Variants in KCNB2 observed in about 807,000 individuals in gnomAD.
The protein encoded by KCNB2 is delayed rectifier potassium channel protein.
KCNB2 carries 15 observed loss-of-function variants against 61.5 expected under a neutral mutation model. That is an observed-to-expected ratio of 0.24 (90% CI 0.16 to 0.38). The LOEUF (loss-of-function observed/expected upper bound fraction) is 0.38, where lower values mean the gene tolerates loss of function less well. Ranked by LOEUF, KCNB2 falls within the 10% of genes least tolerant of loss-of-function variation. KCNB2 has a pLI of 1.00. For missense variants in KCNB2, 828 were observed against 1,125.2 expected, an observed-to-expected ratio of 0.74 and a Z score of 3.78; for synonymous variants, 457 against 446.0, an observed-to-expected ratio of 1.02 and a Z score of -0.31.
intron 2 of KCNB2, among the ~76,000 whole-genome samples, chr8:72,802,794 A>C (rs1473551077): frequency 6.6e-6 from 1 of 152,164 alleles, no homozygotes; most frequent in African/African-American, 2.4e-5. Flanking sequence ...TATGGTTTTC[A>C]TGTTTGGTTA....
chr8:72,679,484 T>C (rs777006815), intron 2 of KCNB2, among the ~76,000 whole-genome samples: 11 of 152,138 alleles, frequency 7.2e-5, no homozygotes, highest in Non-Finnish European at 1.5e-4. Flanking sequence ...ACTTCAAATA[T>C]CAGAGGAGAG....
At chr8:72,705,458 A>G (rs1329949650) in intron 2 of KCNB2, among the ~76,000 whole-genome samples, 2 of 152,274 alleles carry the variant, frequency 1.3e-5, no homozygotes, top group African/African-American at 4.8e-5. Context: ...AGATGACATT[A>G]GAAGGCATTT....
intron 2 of KCNB2, among the ~76,000 whole-genome samples, chr8:72,702,762 C>T (rs755359895): frequency 6.6e-6 from 1 of 152,192 alleles, no homozygotes; most frequent in Non-Finnish European, 1.5e-5. Context: ...TTCAGCCTGG[C>T]TGACAGCTCT....
intron 2 of KCNB2, among the ~76,000 whole-genome samples, chr8:72,647,070 G>C (rs1192813913): frequency 6.6e-6 from 1 of 152,110 alleles, no homozygotes; most frequent in African/African-American, 2.4e-5. Context: ...TGATGAACAC[G>C]TGAGCATCCT....
chr8:72,917,436 G>A (rs2981082), intron 2 of KCNB2, among the ~76,000 whole-genome samples: 2 of 152,070 alleles, frequency 1.3e-5, no homozygotes, highest in South Asian at 4.1e-4. Context: ...AATTTATGCT[G>A]TTATTAAATG....
Position 72,938,099 on chromosome 8 carries a change from C to T in KCNB2, c.*8C>T. ...CGTGAAACCAGCATGTGACTAGTTA[C>T]AAAAGCAATAAATTGAAACAAAACA... is the stretch of plus-strand genomic sequence containing the variant. On this transcript the variant is annotated 3_prime_UTR_variant, in exon 3 of 3. Transcript: ENST00000523207. 6.4e-7 allele frequency: 1 copy of T among 1,563,710 alleles called. No individual in the cohort carries two copies. The highest frequency in any genetic ancestry group is 8.7e-7 in the Non-Finnish European group (1 of 1,152,098).
At chr8:72,887,722 G>T (rs539642202) in intron 2 of KCNB2, among the ~76,000 whole-genome samples, 3 of 152,284 alleles carry the variant, frequency 2.0e-5, no homozygotes, top group Admixed American at 2.0e-4. Context: ...TATGCCTCTC[G>T]GATTTTTGTT....
In KCNB2 at chr8:72,769,425, A is replaced by T. The variant is rs538133728; in HGVS notation, c.580-166510A>T. Among the ~76,000 whole-genome samples, 21 of 152,304 alleles carry T rather than the reference A, an allele frequency of 1.4e-4. No homozygotes were observed. The South Asian group carries it at 3.9e-3, about 29-fold the overall frequency. On this transcript the variant is annotated intron_variant, in intron 2 of 2. Coordinates refer to ENST00000523207, the MANE Select transcript of KCNB2 (RefSeq NM_004770.3). ...TCAGTCAGATAAACAAACAAAAAAAATTGCACTATAGCAAATGTTCTAATA... is the reference window on the plus strand; with the variant it reads ...TCAGTCAGATAAACAAACAAAAAAATTTGCACTATAGCAAATGTTCTAATA...
At position 72,746,285 on chromosome 8, in the gene KCNB2, A is replaced by G. The variant is rs144742052; in HGVS notation, c.579+177972A>G. 9.9e-5 allele frequency among the ~76,000 whole-genome samples: 15 copies of G among 152,264 alleles called. No homozygotes were observed. The East Asian group carries it at 1.5e-3, about 16-fold the overall frequency. ...CCAAGTGCATGTTGTATATTTGCCT[A>G]TACCTGGCAAATGTTACATTGAGCA... On this transcript the variant is annotated intron_variant, in intron 2 of 2. Transcript: ENST00000523207.
chr8:72,865,751 C>CT (rs147496191), intron 2 of KCNB2, among the ~76,000 whole-genome samples: 30,351 of 152,126 alleles, frequency 0.2, 3,722 homozygotes, highest in Non-Finnish European at 0.27. Flanking sequence ...CTCACTGCCT[C>CT]TTACTTATCC....
rs765419963 is a variant in KCNB2 at position 72,937,696 on chromosome 8, T to C, written c.2341T>C (p.Ser781Pro). Residue 781 changes from serine (S) to proline (P), a missense_variant, in exon 3 of 3, where the codon TCC becomes CCC. Coordinates refer to ENST00000523207, the MANE Select transcript of KCNB2 (RefSeq NM_004770.3). ...TEVSAPCQGP[S>P]KGLSPRFPKQ... ...GGTTTCAGCGCCTTGTCAGGGACCTTCCAAAGGGCTGTCCCCCAGGTTTCC... is the reference window on the plus strand; with the variant it reads ...GGTTTCAGCGCCTTGTCAGGGACCTCCCAAAGGGCTGTCCCCCAGGTTTCC... 2.5e-6 allele frequency: 4 copies of C among 1,613,896 alleles called. No homozygotes were observed. Among genetic ancestry groups the C allele is most frequent in the Non-Finnish European group, 3.4e-6 (4 of 1,179,968 alleles).
intron 2 of KCNB2, among the ~76,000 whole-genome samples, chr8:72,771,351 T>A (rs1808556163): frequency 6.6e-6 from 1 of 152,228 alleles, no homozygotes; most frequent in South Asian, 2.1e-4. Context: ...TAAAGTGATT[T>A]CCTTTTTATA....
Position 72,622,950 on chromosome 8 carries a change from C to T in KCNB2, c.579+54637C>T, listed in dbSNP as rs1563541401. 2.6e-5 allele frequency among the ~76,000 whole-genome samples: 4 copies of T among 152,236 alleles called. No homozygotes were observed. In the South Asian group the frequency reaches 8.3e-4, roughly 32 times the overall value. On this transcript the variant is annotated intron_variant, in intron 2 of 2. Transcript: ENST00000523207. The stretch of plus-strand genomic sequence containing the variant: ...TTGCCATGTGGTTTTATTCAAGACA[C>T]CATCTACTTGAGCTCAAATTTCTCT...
intron 2 of KCNB2, among the ~76,000 whole-genome samples, chr8:72,640,680 A>G (rs1002872077): frequency 6.6e-6 from 1 of 152,094 alleles, no homozygotes; most frequent in African/African-American, 2.4e-5. Flanking sequence ...AAAGTGACTC[A>G]TGATAAAAAA....
intron 2 of KCNB2, among the ~76,000 whole-genome samples, chr8:72,806,356 A>AC: frequency 1.6e-5 from 1 of 63,374 alleles, no homozygotes; most frequent in Non-Finnish European, 3.1e-5. Flanking sequence ...AGACTCTAAG[A>AC]AAAAAAAAAA....
At chr8:72,719,446 A>C (rs1807509400) in intron 2 of KCNB2, among the ~76,000 whole-genome samples, 1 of 152,142 alleles carries the variant, frequency 6.6e-6, no homozygotes, top group Admixed American at 6.6e-5. Flanking sequence ...TTCATCTCAG[A>C]TCTTTCCTGC....
At chr8:72,594,218 T>A (rs148527041) in intron 2 of KCNB2, among the ~76,000 whole-genome samples, 1 of 152,284 alleles carries the variant, frequency 6.6e-6, no homozygotes, top group African/African-American at 2.4e-5. Context: ...AAGTTCCTTA[T>A]TATTAAGAAG....
intron 1 of KCNB2, among the ~76,000 whole-genome samples, chr8:72,563,466 C>G (rs144463436): frequency 6.6e-6 from 1 of 152,044 alleles, no homozygotes; most frequent in Non-Finnish European, 1.5e-5. Flanking sequence ...CCTAGGAGGC[C>G]TCTGTATTAA....
chr8:72,690,655 T>G (rs889929308), intron 2 of KCNB2, among the ~76,000 whole-genome samples: 1 of 152,204 alleles, frequency 6.6e-6, no homozygotes, highest in African/African-American at 2.4e-5. Flanking sequence ...TTTAAACAAC[T>G]TACCACAAAA....
Sources: gnomAD v4.1 joint callset for allele counts (sites outside exome capture counted in the v4.1 genomes callset) on GRCh38, gnomAD v4.1.1 for gene constraint, MANE v1.5 for transcripts, NCBI Gene and HGNC (gene_info 2026-07-23, HGNC 2026-07-21) for gene names.